Variants in LDAF1 observed in about 807,000 individuals in gnomAD.
LDAF1 encodes the protein PROMETHIN.
A neutral mutation model predicts 13.5 loss-of-function variants in LDAF1; 7 were observed. That is an observed-to-expected ratio of 0.52 (90% CI 0.29 to 0.97). The LOEUF is 0.97. Among genes scored for constraint, LDAF1 ranks in the 50% least tolerant of loss-of-function variants. The pLI is 0.07. For synonymous variants in LDAF1, 69 were observed against 77.1 expected (o/e 0.89, Z 0.55); for missense variants, 148 against 193.2 (o/e 0.77, Z 1.39).
At chr16:21,160,517 TAAAG>T (rs1356149742) in intron 1 of LDAF1, among the ~76,000 whole-genome samples, 1 of 152,028 alleles carries the variant, frequency 6.6e-6, no homozygotes, top group Non-Finnish European at 1.5e-5. Flanking sequence ...TGTACAGTAA[TAAAG>T]AAGAGAAACA....
Position 21,169,089 on chromosome 16 carries a change from C to G in LDAF1, c.97-1348C>G, listed in dbSNP as rs911177179. ...AGTGATTAGCTTTTAATGCTAATCACTTTAATAATGCTTTTAATAATAATA... is the reference window on the plus strand; with the variant it reads ...AGTGATTAGCTTTTAATGCTAATCAGTTTAATAATGCTTTTAATAATAATA... On this transcript the variant is annotated intron_variant, in intron 2 of 4. Transcript: ENST00000233047. The G allele has an allele frequency of 1.0e-5, 8 of 768,622 alleles. No individual in the cohort carries two copies. In the African/African-American group the frequency reaches 1.5e-4, roughly 15 times the overall value. The allele number at this position is 768,622 out of a possible 1,614,324, so 47.6% of individuals were successfully genotyped here.
At chr16:21,159,361 C>T in intron 1 of LDAF1, 1 of 1,614,154 alleles carries the variant, frequency 6.2e-7, no homozygotes, top group Non-Finnish European at 8.5e-7. Flanking sequence ...CTTGGGTCTC[C>T]CTGGCTTTTG....
In LDAF1 at chr16:21,172,202, C is replaced by T. The variant is rs182849310; in HGVS notation, c.265+1597C>T. On this transcript the variant is annotated intron_variant, in intron 3 of 4. Transcript: ENST00000233047. ...GTGGCTCATGCCTGTAATCCCAACA[C>T]TGGGAGGCTGAGGAGGGCAGATCAC... Among the ~76,000 whole-genome samples the T allele has an allele frequency of 8.0e-3, 1,194 of 149,802 alleles. 18 individuals carry two copies. Among genetic ancestry groups the T allele is most frequent in the African/African-American group, 0.028 (1,149 of 40,906 alleles).
chr16:21,160,016 A>G (rs1673622777), intron 1 of LDAF1: 2 of 961,010 alleles, frequency 2.1e-6, no homozygotes, highest in South Asian at 9.7e-5. Context: ...AAAGGGAAGT[A>G]GCAGAGGATG....
chr16:21,162,823 T>C (rs530874937), intron 2 of LDAF1, among the ~76,000 whole-genome samples: 1 of 152,346 alleles, frequency 6.6e-6, no homozygotes, highest in Non-Finnish European at 1.5e-5. Flanking sequence ...TTACAGCTGA[T>C]TCTCATTAAC....
At chr16:21,159,177 C>T in intron 1 of LDAF1, 1 of 830,958 alleles carries the variant, frequency 1.2e-6, no homozygotes, top group Non-Finnish European at 2.0e-6. Flanking sequence ...TCTTCTCCAC[C>T]GAGGTCCCCT....
chr16:21,166,719 T>G (rs2093027518), intron 2 of LDAF1: 2 of 749,446 alleles, frequency 2.7e-6, no homozygotes, highest in East Asian at 5.4e-5. Context: ...ACAGGGAGCA[T>G]CAAATAAGGA....
At chr16:21,173,823 A>G (rs574693732) in intron 3 of LDAF1, among the ~76,000 whole-genome samples, 187 bp from the exon 4 acceptor site, 188 of 152,310 alleles carry the variant, frequency 1.2e-3, no homozygotes, top group Non-Finnish European at 2.3e-3. Context: ...CCATGGTTTG[A>G]TGCCCACTCA....
chr16:21,173,443 GTGGCTCACGCC>G (rs1444814111), intron 3 of LDAF1: 1 of 152,428 alleles, frequency 6.6e-6, no homozygotes, highest in Non-Finnish European at 1.5e-5. Context: ...GCTGGTTGTG[GTGGCTCACGCC>G]TGTAATCGCA....
rs935243344 is a variant in LDAF1, at chr16:21,168,908, ATATT to A, written c.97-1521_97-1518del. Among the ~76,000 whole-genome samples the A allele has an allele frequency of 3.9e-4, 52 of 134,104 alleles. 1 individual carries two copies. Among genetic ancestry groups the A allele is most frequent in the East Asian group, 4.2e-4 (2 of 4,782 alleles). 88.0% of individuals were successfully genotyped at this position (134,104 alleles called of 152,430 possible). A position where few individuals can be genotyped will look rare whatever the true frequency, so the allele number is the denominator to read the frequency against. ...ATTATATATTTATATTTATATATTT[ATATT>A]TATTTATATTTATATATTTAAATAT... On this transcript the variant is annotated intron_variant, in intron 2 of 4. Coordinates refer to ENST00000233047, the MANE Select transcript of LDAF1 (RefSeq NM_001301771.2).
chr16:21,178,575 C>T (rs1021639364), intron 4 of LDAF1, among the ~76,000 whole-genome samples: 1 of 152,138 alleles, frequency 6.6e-6, no homozygotes, highest in Non-Finnish European at 1.5e-5. Context: ...TGTTGCTATC[C>T]TTAGCCCATT....
intron 1 of LDAF1, 77 bp from the exon 2 acceptor site, chr16:21,161,008 G>A: frequency 7.3e-7 from 1 of 1,373,128 alleles, no homozygotes; most frequent in Non-Finnish European, 9.4e-7. Context: ...CCACCATCAA[G>A]GTATGAGGAT....
At chr16:21,171,356 G>A (rs1042480753) in intron 3 of LDAF1, among the ~76,000 whole-genome samples, 2 of 152,192 alleles carry the variant, frequency 1.3e-5, no homozygotes, top group Non-Finnish European at 2.9e-5. Context: ...TCCATTCCGT[G>A]GCTTCCCAGA....
At chr16:21,162,589 G>T (rs1349984204) in intron 2 of LDAF1, among the ~76,000 whole-genome samples, 1 of 152,104 alleles carries the variant, frequency 6.6e-6, no homozygotes, top group Non-Finnish European at 1.5e-5. Context: ...CTATTTTGTG[G>T]TGTATTTTTT....
Position 21,180,226 on chromosome 16 carries a change from T to C in LDAF1, c.*670T>C, listed in dbSNP as rs1312023926. ...GAGCTTGTCCTTTAAGTAATTTCTT[T>C]CTTTTTTTTTTTTTTTTTTTTTTGT... On this transcript the variant is annotated 3_prime_UTR_variant, in exon 5 of 5. Transcript: ENST00000233047. The C allele has an allele frequency of 7.0e-6, 1 of 141,954 alleles. No homozygotes were observed. Among genetic ancestry groups the C allele is most frequent in the African/African-American group, 2.6e-5 (1 of 37,996 alleles). The allele number at this position is 141,954 out of a possible 1,614,324, so 8.8% of individuals were successfully genotyped here.
At position 21,161,265 on chromosome 16, in the gene LDAF1, A is replaced by G; in HGVS notation, c.83A>G (p.Gln28Arg). 6.2e-7 allele frequency: 1 copy of G among 1,614,210 alleles called. No individual in the cohort carries two copies. The highest frequency in any genetic ancestry group is 8.5e-7 in the Non-Finnish European group (1 of 1,180,048). ...CTGTCTCTGCTGATAGACTCCTTCC[A>G]GAATAACTCAAAGGTCAGTTTCCAA... ...KKLSLLIDSF[Q>R]NNSKVVAFMK... Residue 28 changes from glutamine (Q) to arginine (R), a missense_variant, in exon 2 of 5, where the codon CAG becomes CGG. Transcript: ENST00000233047.
chr16:21,168,316 G>T (rs554793842), intron 2 of LDAF1, among the ~76,000 whole-genome samples: 2 of 151,982 alleles, frequency 1.3e-5, no homozygotes, highest in East Asian at 1.9e-4. Context: ...TGCTGGCCAG[G>T]CCTTAGCTTT....
Position 21,170,438 on chromosome 16 carries a change from T to TGG in LDAF1, c.99_100dup (p.Val34GlyfsTer5), listed in dbSNP as rs2093075852. 2 of 1,614,160 alleles carry TGG rather than the reference T, an allele frequency of 1.2e-6. No homozygotes were observed. Among genetic ancestry groups the TGG allele is most frequent in the African/African-American group, 1.3e-5 (1 of 75,028 alleles). ...TGGCTCTTTGTCCTTTGCCTACAGG[T>TGG]GGTGGCCTTTATGAAGTCTCCAGTG... On this transcript the variant is annotated frameshift_variant and splice_region_variant, in exon 3 of 5. Transcript: ENST00000233047. LOFTEE classifies it high-confidence loss of function.
In LDAF1 at chr16:21,170,610, C is replaced by G; in HGVS notation, c.265+5C>G. 1.2e-6 allele frequency: 2 copies of G among 1,614,080 alleles called. No individual in the cohort carries two copies. The highest frequency in any genetic ancestry group is 1.7e-6 in the Non-Finnish European group (2 of 1,179,994). ...TGGGGGTCATAATATTGGAAGGTAG[C>G]CTGTTCCGTCATTCACCCCTTTAGA... On this transcript the variant is annotated splice_donor_5th_base_variant and intron_variant, in intron 3 of 4. Coordinates refer to ENST00000233047, the MANE Select transcript of LDAF1 (RefSeq NM_001301771.2).
Sources: gnomAD v4.1 joint callset for allele counts (sites outside exome capture counted in the v4.1 genomes callset) on GRCh38, gnomAD v4.1.1 for gene constraint, MANE v1.5 for transcripts, NCBI Gene and HGNC (gene_info 2026-07-23, HGNC 2026-07-21) for gene names.